Variants in NBEA observed in about 807,000 individuals in gnomAD.
NBEA encodes the protein lysosomal-trafficking regulator 2.
In NBEA, 44 loss-of-function variants were observed where a neutral mutation model predicts 343.4. That is an observed-to-expected ratio of 0.13 (90% confidence interval 0.10 to 0.16). The LOEUF (loss-of-function observed/expected upper bound fraction) is 0.16, where lower values mean the gene tolerates loss of function less well. NBEA is among the 10% of genes least tolerant of loss of function. The pLI is 1.00. For missense variants in NBEA, 2,555 were observed against 3,631.3 expected, an observed-to-expected ratio of 0.70 and a Z score of 7.62; for synonymous variants, 1,175 against 1,238.7, an observed-to-expected ratio of 0.95 and a Z score of 1.08.
chr13:35,580,825 T>C (rs144297017), intron 45 of NBEA, among the ~76,000 whole-genome samples: 182 of 152,322 alleles, frequency 1.2e-3, no homozygotes, highest in African/African-American at 4.3e-3. Context: ...TTTAATACTG[T>C]GCAACTGTTT....
intron 47 of NBEA, among the ~76,000 whole-genome samples, chr13:35,595,280 C>A (rs920737872): frequency 6.6e-6 from 1 of 152,042 alleles, no homozygotes; most frequent in African/African-American, 2.4e-5. Flanking sequence ...GTGGATATCA[C>A]TAACTTGGGA....
intron 30 of NBEA, among the ~76,000 whole-genome samples, chr13:35,187,708 AG>A (rs2152734986): frequency 6.6e-6 from 1 of 152,156 alleles, no homozygotes; most frequent in Admixed American, 6.5e-5. Flanking sequence ...TGGTTTTAAA[AG>A]ATAAAGCAGA....
At chr13:35,447,487 G>A (rs1469692584) in intron 39 of NBEA, among the ~76,000 whole-genome samples, 3 of 144,904 alleles carry the variant, frequency 2.1e-5, no homozygotes, top group African/African-American at 5.0e-5. Flanking sequence ...CATATACAGA[G>A]CTTTATATAT....
chr13:34,969,324 A>G (rs2152497722), intron 1 of NBEA, among the ~76,000 whole-genome samples: 1 of 152,192 alleles, frequency 6.6e-6, no homozygotes, highest in Non-Finnish European at 1.5e-5. Flanking sequence ...TTTAAAAAAA[A>G]AAAACTAAAA....
At chr13:35,003,963 G>T (rs1457181128) in intron 1 of NBEA, among the ~76,000 whole-genome samples, 2 of 152,000 alleles carry the variant, frequency 1.3e-5, no homozygotes, top group Non-Finnish European at 2.9e-5. Context: ...AGGGTGTGTT[G>T]TTCCCCTCCC....
At chr13:35,578,008 G>T (rs574937263) in intron 45 of NBEA, among the ~76,000 whole-genome samples, 53 of 152,222 alleles carry the variant, frequency 3.5e-4, no homozygotes, top group African/African-American at 1.2e-3. Context: ...AAACAAAAAA[G>T]GTAAGAACTC....
chr13:35,538,169 T>C, intron 41 of NBEA, among the ~76,000 whole-genome samples: 1 of 152,204 alleles, frequency 6.6e-6, no homozygotes, highest in East Asian at 1.9e-4. Flanking sequence ...TTTTGAATTT[T>C]TTCACATTTT....
intron 18 of NBEA, among the ~76,000 whole-genome samples, chr13:35,143,253 G>A (rs956413891): frequency 1.6e-4 from 25 of 152,208 alleles, no homozygotes; most frequent in African/African-American, 5.8e-4. Context: ...CGACCGCAGA[G>A]TTAAAGAGTT....
chr13:35,076,727 C>T (rs1486204201), intron 10 of NBEA, among the ~76,000 whole-genome samples: 4 of 152,044 alleles, frequency 2.6e-5, no homozygotes. Context: ...CACATCTTCA[C>T]TAAATTTGTT....
chr13:35,284,501 TAC>T, intron 34 of NBEA, among the ~76,000 whole-genome samples: 1 of 152,158 alleles, frequency 6.6e-6, no homozygotes, highest in Non-Finnish European at 1.5e-5. Context: ...CCATTTGTAA[TAC>T]AGTTTTAAAA....
intron 49 of NBEA, among the ~76,000 whole-genome samples, chr13:35,645,311 C>T (rs1453437765): frequency 6.6e-6 from 1 of 152,270 alleles, no homozygotes; most frequent in East Asian, 1.9e-4. Context: ...AAATATCATG[C>T]TTCTCCTTGT....
At chr13:35,530,010 G>C (rs2078177504) in intron 41 of NBEA, among the ~76,000 whole-genome samples, 1 of 152,104 alleles carries the variant, frequency 6.6e-6, no homozygotes, top group African/African-American at 2.4e-5. Context: ...ATGTGATGTG[G>C]CTTCTGTTTG....
At chr13:34,945,303 A>G (rs2059153657) in intron 1 of NBEA, among the ~76,000 whole-genome samples, 1 of 152,160 alleles carries the variant, frequency 6.6e-6, no homozygotes, top group African/African-American at 2.4e-5. Context: ...GTTGTTAATT[A>G]TATTAATTGT....
chr13:35,121,963 A>G (rs982971447), intron 16 of NBEA, among the ~76,000 whole-genome samples: 5 of 152,192 alleles, frequency 3.3e-5, no homozygotes, highest in African/African-American at 1.2e-4. Flanking sequence ...CTTGTATTCT[A>G]GAATTTGTTG....
At chr13:35,219,881 A>G (rs1275358972) in intron 33 of NBEA, among the ~76,000 whole-genome samples, 1 of 152,152 alleles carries the variant, frequency 6.6e-6, no homozygotes, top group Non-Finnish European at 1.5e-5. Context: ...GCCTTCTTCC[A>G]TGAAGGAGGG....
At chr13:35,368,761 T>C (rs1594376140) in intron 38 of NBEA, among the ~76,000 whole-genome samples, 1 of 151,690 alleles carries the variant, frequency 6.6e-6, no homozygotes, top group Non-Finnish European at 1.5e-5. Flanking sequence ...CAAATGTAAG[T>C]AGGTGTTAGT....
chr13:35,576,659 A>T (rs2080755367), intron 45 of NBEA, among the ~76,000 whole-genome samples: 1 of 152,166 alleles, frequency 6.6e-6, no homozygotes, highest in South Asian at 2.1e-4. Context: ...CCCAGAGACA[A>T]CTGTTGATAT....
Position 35,644,400 on chromosome 13 carries a change from T to C in NBEA, c.7618-1469T>C, listed in dbSNP as rs986607084. ...ATTTCTAGAAATTTTATCCATTTCA[T>C]AACATTTTCTAGTACAATGTTAATA... On this transcript the variant is annotated intron_variant, in intron 49 of 58. Coordinates refer to ENST00000379939, the MANE Select transcript of NBEA (RefSeq NM_001385012.1). Among the ~76,000 whole-genome samples, 33 of 152,124 alleles carry C rather than the reference T, an allele frequency of 2.2e-4. 1 individual carries two copies. The highest frequency in any genetic ancestry group is 1.8e-3 in the Admixed American group (27 of 15,284).
chr13:34,942,857 G>C lies in NBEA; in HGVS notation c.37G>C (p.Glu13Gln), dbSNP rs769823845. The stretch of plus-strand genomic sequence containing the variant: ...GAAGCCGGGCCCGGGCCCGGGGCTC[G>C]AGCCTCAGCCCGTGGGGCTCATTGC... ...SEKPGPGPGL[E>Q]PQPVGLIAVG... Residue 13 changes from glutamate (E) to glutamine (Q), a missense_variant, in exon 1 of 59, where the codon GAG (glutamate) becomes CAG (glutamine). Transcript: ENST00000379939. 22 of 1,375,028 alleles carry C rather than the reference G, an allele frequency of 1.6e-5. No homozygotes were observed. The highest frequency in any genetic ancestry group is 2.0e-5 in the Non-Finnish European group (21 of 1,060,038). 85.2% of individuals were successfully genotyped at this position (1,375,028 alleles called of 1,614,324 possible). A position where few individuals can be genotyped will look rare whatever the true frequency, so the allele number is the denominator to read the frequency against.
Sources: gnomAD v4.1 joint callset for allele counts (sites outside exome capture counted in the v4.1 genomes callset) on GRCh38, gnomAD v4.1.1 for gene constraint, MANE v1.5 for transcripts, NCBI Gene and HGNC (gene_info 2026-07-23, HGNC 2026-07-21) for gene names.